DCDC2C: variants seen among roughly 807,000 people sequenced by gnomAD.
The protein encoded by DCDC2C is doublecortin domain containing 2C, also known as doublecortin domain-containing protein 2C.
DCDC2C carries 44 observed loss-of-function variants against 45.0 expected under a neutral mutation model. The observed-to-expected ratio is 0.98, with a 90% CI of 0.77 to 1.26. The LOEUF is 1.26. DCDC2C is among the 50% of genes most tolerant of loss of function. The pLI is 0.00. For synonymous variants in DCDC2C, 187 were observed against 178.8 expected (o/e 1.05, Z -0.37); for missense variants, 447 against 468.9 (o/e 0.95, Z 0.43).
chr2:3,751,165 C>T (rs1466273875), intron 4 of DCDC2C, among the ~76,000 whole-genome samples: 5 of 152,232 alleles, frequency 3.3e-5, no homozygotes, highest in Admixed American at 1.3e-4. Context: ...TGTTCCCACC[C>T]TTCAAAGCCT....
At chr2:3,841,955 A>G (rs1672225742) in intron 10 of DCDC2C, among the ~76,000 whole-genome samples, 2 of 151,760 alleles carry the variant, frequency 1.3e-5, no homozygotes, top group Non-Finnish European at 2.9e-5. Context: ...TTGTCATGTC[A>G]TCTTAATCCT....
At chr2:3,758,658 G>A (rs1004730127) in intron 6 of DCDC2C, among the ~76,000 whole-genome samples, 4 of 152,144 alleles carry the variant, frequency 2.6e-5, no homozygotes, top group Admixed American at 2.6e-4. Flanking sequence ...CCAAACCCAG[G>A]TGCTTCAGGC....
chr2:3,711,273 C>A (rs939128657), intron 2 of DCDC2C, among the ~76,000 whole-genome samples: 5 of 152,086 alleles, frequency 3.3e-5, no homozygotes, highest in Admixed American at 1.3e-4. Flanking sequence ...GCATTTGGCC[C>A]AGCAATGCCG....
chr2:3,747,161 C>T (rs931773150), intron 4 of DCDC2C, among the ~76,000 whole-genome samples: 1 of 152,208 alleles, frequency 6.6e-6, no homozygotes, highest in African/African-American at 2.4e-5. Context: ...GCACACAGCA[C>T]ACACATGTGT....
intron 10 of DCDC2C, among the ~76,000 whole-genome samples, chr2:3,790,090 C>T (rs982031674): frequency 1.6e-4 from 24 of 152,144 alleles, no homozygotes; most frequent in Non-Finnish European, 2.9e-4. Flanking sequence ...ACCAGACTGA[C>T]GAAGGGTCTT....
At chr2:3,739,517 A>T (rs917384914) in intron 3 of DCDC2C, among the ~76,000 whole-genome samples, 1 of 152,234 alleles carries the variant, frequency 6.6e-6, no homozygotes, top group African/African-American at 2.4e-5. Context: ...GAACGTCAAG[A>T]GGAACGCACC....
chr2:3,725,295 G>A (rs1460626871), intron 2 of DCDC2C, among the ~76,000 whole-genome samples: 1 of 152,218 alleles, frequency 6.6e-6, no homozygotes, highest in East Asian at 1.9e-4. Context: ...TGGAGAGGCT[G>A]TGGGGGCTCG....
At chr2:3,798,207 G>A (rs1395829823) in intron 10 of DCDC2C, among the ~76,000 whole-genome samples, 6 of 151,698 alleles carry the variant, frequency 4.0e-5, no homozygotes, top group African/African-American at 9.7e-5. Flanking sequence ...GCCTTTTTTC[G>A]TTTTCCATTT....
chr2:3,725,537 G>GCC, intron 2 of DCDC2C, among the ~76,000 whole-genome samples: 1 of 134,918 alleles, frequency 7.4e-6, no homozygotes, highest in African/African-American at 2.8e-5. Context: ...AAGACGAGCA[G>GCC]AGAGGGAGGA....
chr2:3,724,508 G>C (rs1161752677), intron 2 of DCDC2C, among the ~76,000 whole-genome samples: 1 of 152,192 alleles, frequency 6.6e-6, no homozygotes, highest in Non-Finnish European at 1.5e-5. Flanking sequence ...CTGTTAATGA[G>C]GTATGCAGCT....
intron 2 of DCDC2C, among the ~76,000 whole-genome samples, chr2:3,710,347 C>T (rs1339943917): frequency 6.6e-6 from 1 of 152,156 alleles, no homozygotes; most frequent in African/African-American, 2.4e-5. Flanking sequence ...TCCTGATACT[C>T]TCCCTCCCCT....
intron 8 of DCDC2C, among the ~76,000 whole-genome samples, chr2:3,773,232 T>C (rs1670231830): frequency 8.0e-6 from 1 of 125,760 alleles, no homozygotes; most frequent in South Asian, 3.5e-4. Context: ...TTATCGCCAG[T>C]CTTTAACGAC....
intron 2 of DCDC2C, among the ~76,000 whole-genome samples, chr2:3,711,572 T>C (rs572511940): frequency 2.0e-5 from 3 of 152,276 alleles, no homozygotes; most frequent in East Asian, 1.9e-4. Flanking sequence ...TATAGCCTCA[T>C]AGAGTGAGTG....
In DCDC2C at chr2:3,769,360, G is replaced by T. The variant is rs557310721; in HGVS notation, c.903G>T (p.Ala301=). 3.2e-6 allele frequency: 5 copies of T among 1,550,490 alleles called. No individual in the cohort carries two copies. Among genetic ancestry groups the T allele is most frequent in the Non-Finnish European group, 4.4e-6 (5 of 1,146,990 alleles). ...APTPSKETQG[A]LDVKEEHNVQ... is the part of the protein sequence containing the mutation. ...CTCCTAGCAAGGAAACCCAAGGGGCGCTGGACGTCAAAGAGGAGCACAATG... is the reference window on the plus strand; with the variant it reads ...CTCCTAGCAAGGAAACCCAAGGGGCTCTGGACGTCAAAGAGGAGCACAATG... Residue 301 remains alanine, a synonymous_variant, in exon 8 of 11, where the codon GCG becomes GCT. Coordinates refer to ENST00000399143, the MANE Select transcript of DCDC2C (RefSeq NM_001287444.2).
Position 3,813,068 on chromosome 2 carries a change from T to TATATATATATATATATATA in DCDC2C, c.1065+27968_1065+27969insATATATATATATATATATA, listed in dbSNP as rs1491343444. On this transcript the variant is annotated intron_variant, in intron 10 of 10. Transcript: ENST00000399143. ...ATATATATATATATATATATATATA[T>TATATATATATATATATATA]TTTTTTTTTTTTGCTGTTTTTGAGA... Among the ~76,000 whole-genome samples the TATATATATATATATATATA allele has an allele frequency of 2.8e-3, 145 of 51,686 alleles. 2 individuals carry two copies. The highest frequency in any genetic ancestry group is 4.3e-3 in the East Asian group (7 of 1,640). The allele number at this position is 51,686 out of a possible 152,430, so 33.9% of individuals were successfully genotyped here. A position where few individuals can be genotyped will look rare whatever the true frequency, so the allele number is the denominator to read the frequency against.
At chr2:3,838,659 A>G (rs1474208270) in intron 10 of DCDC2C, among the ~76,000 whole-genome samples, 1 of 152,156 alleles carries the variant, frequency 6.6e-6, no homozygotes, top group Non-Finnish European at 1.5e-5. Flanking sequence ...GGTGGGTGCA[A>G]GAACGGCCCC....
At chr2:3,807,524 C>T (rs1671282902) in intron 10 of DCDC2C, among the ~76,000 whole-genome samples, 1 of 151,968 alleles carries the variant, frequency 6.6e-6, no homozygotes, top group African/African-American at 2.4e-5. Flanking sequence ...ATCACCCAGA[C>T]CACCACTTCA....
chr2:3,731,653 T>C (rs1668870655), intron 3 of DCDC2C, among the ~76,000 whole-genome samples: 1 of 152,186 alleles, frequency 6.6e-6, no homozygotes, highest in African/African-American at 2.4e-5. Context: ...TCATGGGGTG[T>C]TGAAGGAAGA....
chr2:3,794,814 T>G (rs928858162), intron 10 of DCDC2C, among the ~76,000 whole-genome samples: 9 of 152,304 alleles, frequency 5.9e-5, no homozygotes, highest in South Asian at 2.1e-4. Flanking sequence ...GAATAATGCC[T>G]CAATAAACAT....
Sources: allele counts gnomAD v4.1 joint callset (sites outside exome capture counted in the v4.1 genomes callset), GRCh38; gene constraint gnomAD v4.1.1; transcripts MANE v1.5; gene names NCBI Gene and HGNC (gene_info 2026-07-23, HGNC 2026-07-21).